Variants in CX3CL1 observed in about 807,000 individuals in gnomAD.
The protein encoded by CX3CL1 is C-X3-C motif chemokine ligand 1.
A neutral mutation model predicts 14.1 loss-of-function variants in CX3CL1; 1 was observed. The ratio of observed to expected loss-of-function variants is 0.07; its 90% CI spans 0.03 to 0.34. The LOEUF is 0.34. Ranked by LOEUF, CX3CL1 falls within the 10% of genes least tolerant of loss-of-function variation. The probability of loss-of-function intolerance (pLI) is 0.99; values close to 1 mark genes in which losing one functional copy is unlikely to be tolerated. For missense variants in CX3CL1, 505 were observed against 536.4 expected (o/e 0.94, Z 0.58); for synonymous variants, 255 against 229.6 (o/e 1.11, Z -1.00).
intron 1 of CX3CL1, 60 bp downstream of exon 1, chr16:57,372,698 C>G: frequency 6.3e-7 from 1 of 1,576,600 alleles, no homozygotes; most frequent in South Asian, 1.1e-5. Context: ...CTTGTCTATC[C>G]CTCAAGCCTG....
At position 57,373,050 on chromosome 16, in the gene CX3CL1, C is replaced by T. The variant is rs1902201244; in HGVS notation, c.70+412C>T. On this transcript the variant is annotated intron_variant, in intron 1 of 2. Transcript: ENST00000006053. ...AAGCGTTAATGTGTAACCCGCAGCC[C>T]TGGCCCTGGGCCAGGCCACAGTTGG... Among the ~76,000 whole-genome samples the T allele has an allele frequency of 2.6e-5, 4 of 152,186 alleles. No homozygotes were observed. In the South Asian group the frequency reaches 8.3e-4, roughly 31 times the overall value.
Position 57,382,318 on chromosome 16 carries a change from C to T in CX3CL1, c.480C>T (p.Gly160=), listed in dbSNP as rs759347436. ...GGACCTCCCCAGAGCTGCCGACGGG[C>T]GTGACTGGTTCCTCAGGGACCAGGC... ...ALGTSPELPT[G]VTGSSGTRLP... is the part of the protein sequence containing the mutation. The change falls in exon 3 of 3, where the codon GGC becomes GGT. Residue 160 remains glycine (G), a synonymous_variant. Transcript: ENST00000006053. This position sits in a 1 kb window ranked among gnomAD's most constrained non-coding sequence, Gnocchi z 6.9. The T allele has an allele frequency of 2.5e-5, 40 of 1,604,600 alleles. No homozygotes were observed. Among genetic ancestry groups the T allele is most frequent in the African/African-American group, 1.7e-4 (13 of 74,758 alleles).
At position 57,382,531 on chromosome 16, in the gene CX3CL1, G is replaced by C. The variant is rs756960702; in HGVS notation, c.693G>C (p.Ala231=). 6.8e-6 allele frequency: 11 copies of C among 1,613,684 alleles called. No homozygotes were observed. The highest frequency in any genetic ancestry group is 9.3e-6 in the Non-Finnish European group (11 of 1,179,956). The change falls in exon 3 of 3, where the codon GCG becomes GCC. Residue 231 remains alanine, a synonymous_variant. Transcript: ENST00000006053. This position sits in a 1 kb window ranked among gnomAD's most constrained non-coding sequence, Gnocchi z 6.9. ...ACCCCTCCACCCAGGCCTCCACTGC[G>C]TCCTCCCCAGCCCCAGAGGAGAATG... ...TQDPSTQAST[A]SSPAPEENAP...
At chr16:57,381,116 C>T (rs1902314613) in intron 2 of CX3CL1, among the ~76,000 whole-genome samples, 1 of 152,182 alleles carries the variant, frequency 6.6e-6, no homozygotes, top group African/African-American at 2.4e-5. Flanking sequence ...TCTCTGGTTT[C>T]CCGGCATCCT....
intron 1 of CX3CL1, among the ~76,000 whole-genome samples, chr16:57,374,780 T>G (rs1360031969): frequency 6.6e-5 from 10 of 152,064 alleles, no homozygotes; most frequent in Non-Finnish European, 2.9e-5. Flanking sequence ...AGAGGACACA[T>G]AACACACAAA....
At chr16:57,374,704 C>A (rs1203505641) in intron 1 of CX3CL1, among the ~76,000 whole-genome samples, 2 of 152,190 alleles carry the variant, frequency 1.3e-5, no homozygotes, top group Non-Finnish European at 2.9e-5. Flanking sequence ...GTTCTAGGTA[C>A]TGGGGCGGCA....
In CX3CL1 at chr16:57,382,816, C is replaced by G. The variant is rs751351892; in HGVS notation, c.978C>G (p.Val326=). ...CCATGGACCCCCAGAGGCTGGGCGT[C>G]CTTATCACTCCTGTCCCTGACGCCC... The part of the protein sequence containing the change: ...HATMDPQRLG[V]LITPVPDAQA... Residue 326 remains valine (V), a synonymous_variant, in exon 3 of 3, where the codon GTC becomes GTG. Coordinates refer to ENST00000006053, the MANE Select transcript of CX3CL1 (RefSeq NM_002996.6). The surrounding 1 kb of genome is among the most constrained non-coding windows in gnomAD (Gnocchi z 6.9). 1 of 1,591,012 alleles carries G rather than the reference C, an allele frequency of 6.3e-7. No homozygotes were observed. The highest frequency in any genetic ancestry group is 1.7e-5 in the Admixed American group (1 of 58,504).
Position 57,379,302 on chromosome 16 carries a change from G to A in CX3CL1, c.71-332G>A, listed in dbSNP as rs150909560. ...GATCATGCCATTGCACTCCAGCCTG[G>A]GCAACAAGAGCAAGACTCCAACTCA... On this transcript the variant is annotated intron_variant, in intron 1 of 2. Transcript: ENST00000006053. 2,860 of 357,378 alleles carry A rather than the reference G, an allele frequency of 8.0e-3. 17 individuals are homozygous for A. The highest frequency in any genetic ancestry group is 0.016 in the Middle Eastern group (22 of 1,392). 22.1% of individuals were successfully genotyped at this position (357,378 alleles called of 1,614,324 possible). A position where few individuals can be genotyped will look rare whatever the true frequency, so the allele number is the denominator to read the frequency against.
At chr16:57,372,885 A>G (rs1902198751) in intron 1 of CX3CL1, among the ~76,000 whole-genome samples, 1 of 152,186 alleles carries the variant, frequency 6.6e-6, no homozygotes, top group Admixed American at 6.5e-5. Context: ...TGTGCCTGGA[A>G]GCACAGAGAG....
At chr16:57,379,286 A>G (rs1902286894) in intron 1 of CX3CL1, 2 of 325,854 alleles carry the variant, frequency 6.1e-6, no homozygotes, top group Non-Finnish European at 1.1e-5. Context: ...AGATCATGCC[A>G]TTGCACTCCA....
Position 57,382,691 on chromosome 16 carries a change from C to A in CX3CL1, c.853C>A (p.His285Asn). The A allele has an allele frequency of 6.2e-7, 1 of 1,612,634 alleles. No homozygotes were observed. Among genetic ancestry groups the A allele is most frequent in the South Asian group, 1.1e-5 (1 of 90,948 alleles). ...FQDWGPGSMA[H>N]VSVVPVSSEG... ...GGACTGGGGGCCTGGCAGCATGGCC[C>A]ACGTCTCTGTGGTCCCTGTCTCCTC... The change falls in exon 3 of 3, where the codon CAC becomes AAC. Residue 285 changes from histidine (H) to asparagine (N), a missense_variant. Coordinates refer to ENST00000006053, the MANE Select transcript of CX3CL1 (RefSeq NM_002996.6). This position sits in a 1 kb window ranked among gnomAD's most constrained non-coding sequence, Gnocchi z 6.9.
chr16:57,381,437 C>T (rs977081048), intron 2 of CX3CL1, among the ~76,000 whole-genome samples: 4 of 152,094 alleles, frequency 2.6e-5, no homozygotes, highest in East Asian at 3.9e-4. Flanking sequence ...GAGAGGGGCC[C>T]GGAGCACAGC....
rs529786529 is a variant in CX3CL1 at position 57,382,530 on chromosome 16, C to T, written c.692C>T (p.Ala231Val). Residue 231 changes from alanine (A) to valine (V), a missense_variant, in exon 3 of 3, where the codon GCG becomes GTG. Coordinates refer to ENST00000006053, the MANE Select transcript of CX3CL1 (RefSeq NM_002996.6). This position sits in a 1 kb window ranked among gnomAD's most constrained non-coding sequence, Gnocchi z 6.9. ...TQDPSTQAST[A>V]SSPAPEENAP... ...GACCCCTCCACCCAGGCCTCCACTG[C>T]GTCCTCCCCAGCCCCAGAGGAGAAT... 19 of 1,613,716 alleles carry T rather than the reference C, an allele frequency of 1.2e-5. 1 individual carries two copies. Among genetic ancestry groups the T allele is most frequent in the South Asian group, 9.9e-5 (9 of 91,066 alleles).
chr16:57,374,302 C>T (rs1902216977), intron 1 of CX3CL1, among the ~76,000 whole-genome samples: 1 of 151,976 alleles, frequency 6.6e-6, no homozygotes, highest in Non-Finnish European at 1.5e-5. Context: ...GCAGCTGCGT[C>T]AGTCCCCAAA....
Position 57,382,398 on chromosome 16 carries a change from G to T in CX3CL1, c.560G>T (p.Arg187Leu), listed in dbSNP as rs766949258. ...DGGPVGTELF[R>L]VPPVSTAATW... The stretch of plus-strand genomic sequence containing the variant: ...GGGCCTGTGGGCACGGAGCTTTTCC[G>T]AGTGCCTCCCGTCTCCACTGCCGCC... The change falls in exon 3 of 3, where the codon CGA (arginine) becomes CTA (leucine). Residue 187 changes from arginine to leucine, a missense_variant. Arg to Leu is a moderately radical substitution (Grantham distance 102). Transcript: ENST00000006053. The surrounding 1 kb of genome is among the most constrained non-coding windows in gnomAD (Gnocchi z 6.9). The T allele has an allele frequency of 1.2e-6, 2 of 1,612,094 alleles. No individual in the cohort carries two copies. Among genetic ancestry groups the T allele is most frequent in the Non-Finnish European group, 8.5e-7 (1 of 1,179,968 alleles).
In CX3CL1 at chr16:57,382,492, C is replaced by T. The variant is rs1014360109; in HGVS notation, c.654C>T (p.Ala218=). Residue 218 remains alanine, a synonymous_variant, in exon 3 of 3, where the codon GCC becomes GCT. Coordinates refer to ENST00000006053, the MANE Select transcript of CX3CL1 (RefSeq NM_002996.6). The surrounding 1 kb of genome is among the most constrained non-coding windows in gnomAD (Gnocchi z 6.9). ...GGGCTGAGGCAAAGACCTCTGAGGC[C>T]CCGTCCACCCAGGACCCCTCCACCC... ...SLWAEAKTSE[A]PSTQDPSTQA... The T allele has an allele frequency of 1.9e-6, 3 of 1,612,704 alleles. No homozygotes were observed. Among genetic ancestry groups the T allele is most frequent in the South Asian group, 2.2e-5 (2 of 90,956 alleles).
At chr16:57,372,749 C>A (rs1311621501) in intron 1 of CX3CL1, 111 bp downstream of exon 1, 4 of 999,696 alleles carry the variant, frequency 4.0e-6, no homozygotes, top group African/African-American at 1.6e-5. Flanking sequence ...AAGCTCAAGG[C>A]CGGTGGCAGC....
rs201447345 is a variant in CX3CL1 at position 57,382,495 on chromosome 16, G to A, written c.657G>A (p.Pro219=). ...CTGAGGCAAAGACCTCTGAGGCCCCGTCCACCCAGGACCCCTCCACCCAGG... is the reference window on the plus strand; with the variant it reads ...CTGAGGCAAAGACCTCTGAGGCCCCATCCACCCAGGACCCCTCCACCCAGG... ...LWAEAKTSEA[P]STQDPSTQAS... The change falls in exon 3 of 3, where the codon CCG becomes CCA. Residue 219 remains proline (P), a synonymous_variant. Coordinates refer to ENST00000006053, the MANE Select transcript of CX3CL1 (RefSeq NM_002996.6). This position sits in a 1 kb window ranked among gnomAD's most constrained non-coding sequence, Gnocchi z 6.9. 189 of 1,612,648 alleles carry A rather than the reference G, an allele frequency of 1.2e-4. 1 individual carries two copies. In the South Asian group the frequency reaches 1.3e-3, roughly 11 times the overall value.
Position 57,384,340 on chromosome 16 carries a change from T to C in CX3CL1, c.*1308T>C, listed in dbSNP as rs568425375. The stretch of plus-strand genomic sequence containing the variant: ...ATGTTTTCCATGAGTCCCCTGTTTG[T>C]TTCTGAAAGGGACGCTACCCGGGAA... On this transcript the variant is annotated 3_prime_UTR_variant, in exon 3 of 3. Transcript: ENST00000006053. 3 of 152,316 alleles carry C rather than the reference T, an allele frequency of 2.0e-5. No homozygotes were observed. The highest frequency in any genetic ancestry group is 2.0e-4 in the Admixed American group (3 of 15,296). The allele number at this position is 152,316 out of a possible 1,614,324, so 9.4% of individuals were successfully genotyped here.
Sources: gnomAD v4.1 joint callset for allele counts (sites outside exome capture counted in the v4.1 genomes callset) on GRCh38, gnomAD v4.1.1 for gene constraint, Gnocchi (gnomAD v3.1) non-coding constraint, MANE v1.5 for transcripts, NCBI Gene and HGNC (gene_info 2026-07-23, HGNC 2026-07-21) for gene names.